The following FHIP1B variants were observed in gnomAD, a reference collection of about 807,000 sequenced individuals.
The protein encoded by FHIP1B is FHF complex subunit HOOK interacting protein 1B, also known as FHF complex subunit HOOK-interacting protein 1B.
FHIP1B carries 28 observed loss-of-function variants against 82.2 expected under a neutral mutation model. The observed-to-expected ratio is 0.34, with a 90% CI of 0.25 to 0.47. The LOEUF is 0.47. Ranked by LOEUF, FHIP1B falls within the 20% of genes least tolerant of loss-of-function variation. The probability of loss-of-function intolerance (pLI) is 1.00; values close to 1 mark genes in which losing one functional copy is unlikely to be tolerated. For missense variants in FHIP1B, 1,110 were observed against 1,262.6 expected, an observed-to-expected ratio of 0.88 and a Z score of 1.83; for synonymous variants, 585 against 516.1, an observed-to-expected ratio of 1.13 and a Z score of -1.81.
intron 1 of FHIP1B, among the ~76,000 whole-genome samples, chr11:6,232,565 T>C (rs1847725054): frequency 6.6e-6 from 1 of 152,386 alleles, no homozygotes. Context: ...TATCCCTGTA[T>C]GATCTCTGGC....
chr11:6,228,012 G>A (rs912309094), intron 1 of FHIP1B, among the ~76,000 whole-genome samples: 1 of 152,198 alleles, frequency 6.6e-6, no homozygotes, highest in African/African-American at 2.4e-5. Context: ...GAATCGAAAT[G>A]TAAGATGTAC....
At position 6,214,823 on chromosome 11, in the gene FHIP1B, G is replaced by C. The variant is rs1847179094; in HGVS notation, c.2304C>G (p.Ala768=). 4.3e-6 allele frequency: 7 copies of C among 1,612,000 alleles called. No homozygotes were observed. Among genetic ancestry groups the C allele is most frequent in the Non-Finnish European group, 5.9e-6 (7 of 1,179,104 alleles). ...YVNFLLTGLV[A]QLACHPQPLL... is the part of the protein sequence containing the mutation. ...GGGGCTGGGGGTGACAGGCCAGCTG[G>C]GCCACCAGCCCCGTCAGCAGGAAGT... is the stretch of plus-strand genomic sequence containing the variant. Residue 768 remains alanine, a synonymous_variant, in exon 10 of 12, where the codon GCC becomes GCG. Transcript: ENST00000449352.
At chr11:6,218,481 GA>G (rs1186900893) in intron 8 of FHIP1B, 118 bp downstream of exon 8, 17 of 1,467,858 alleles carry the variant, frequency 1.2e-5, no homozygotes, top group Non-Finnish European at 1.5e-5. Flanking sequence ...CCCAAAGACA[GA>G]CTATCATTCA....
intron 1 of FHIP1B, among the ~76,000 whole-genome samples, chr11:6,232,510 T>C (rs1029117943): frequency 2.5e-4 from 38 of 152,234 alleles, no homozygotes; most frequent in Non-Finnish European, 5.3e-4. Context: ...TTTCCCAAAG[T>C]CTCTCTCACT....
chr11:6,233,332 G>C (rs1847749813), intron 1 of FHIP1B, among the ~76,000 whole-genome samples: 1 of 152,230 alleles, frequency 6.6e-6, no homozygotes, highest in Non-Finnish European at 1.5e-5. Flanking sequence ...ACTAGCAGTA[G>C]AGAGGAAAAT....
At position 6,223,703 on chromosome 11, in the gene FHIP1B, C is replaced by T; in HGVS notation, c.684G>A (p.Gln228=). The T allele has an allele frequency of 6.2e-7, 1 of 1,614,182 alleles. No individual in the cohort carries two copies. Among genetic ancestry groups the T allele is most frequent in the Non-Finnish European group, 8.5e-7 (1 of 1,179,988 alleles). The change falls in exon 3 of 12, where the codon CAG becomes CAA. Residue 228 remains glutamine (Q), a synonymous_variant. Transcript: ENST00000449352. The surrounding 1 kb of genome is among the most constrained non-coding windows in gnomAD (Gnocchi z 4.8). The part of the protein sequence containing the change: ...PFVHREGTLG[Q]QARDALLLLM... ...GAAGAAGTAGGGCATCACGGGCCTG[C>T]TGGCCCAGGGTGCCCTCTCGATGCA... is the stretch of plus-strand genomic sequence containing the variant.
intron 1 of FHIP1B, among the ~76,000 whole-genome samples, chr11:6,230,210 T>C (rs1333253407): frequency 1.3e-5 from 2 of 152,122 alleles, no homozygotes; most frequent in African/African-American, 4.8e-5. Flanking sequence ...ACCTTTGCCC[T>C]GGGAGAGGCA....
chr11:6,225,969 G>C (rs1281918251), intron 1 of FHIP1B, among the ~76,000 whole-genome samples: 1 of 152,098 alleles, frequency 6.6e-6, no homozygotes, highest in African/African-American at 2.4e-5. Flanking sequence ...AAAGTACCAA[G>C]TAGCTATTGG....
rs761860531 is a variant in FHIP1B, at chr11:6,211,587, G to T, written c.2838C>A (p.Ala946=). The change falls in exon 12 of 12, where the codon GCC becomes GCA. Residue 946 remains alanine, a synonymous_variant. Coordinates refer to ENST00000449352, the MANE Select transcript of FHIP1B (RefSeq NM_001098794.2). The stretch of plus-strand genomic sequence containing the variant: ...TCTCCAACAAGAAAGGCGAGGTGAC[G>T]GCATGAGCCTGGGAGATGGCAGCCA... The part of the protein sequence containing the change: ...KELAAISQAH[A]VTSPFLLETS... The T allele has an allele frequency of 1.9e-6, 3 of 1,614,094 alleles. No homozygotes were observed. Among genetic ancestry groups the T allele is most frequent in the African/African-American group, 2.7e-5 (2 of 74,944 alleles).
At chr11:6,217,129 C>T (rs1269356825) in intron 9 of FHIP1B, 3 of 703,458 alleles carry the variant, frequency 4.3e-6, no homozygotes, top group Non-Finnish European at 7.8e-6. Flanking sequence ...GCACATAGGA[C>T]ATACATACAA....
intron 9 of FHIP1B, chr11:6,216,809 G>A (rs1164396402): frequency 1.1e-5 from 6 of 538,772 alleles, no homozygotes; most frequent in Non-Finnish European, 2.0e-5. Flanking sequence ...AAGGTACAAG[G>A]AAAGCGAACA....
At position 6,217,734 on chromosome 11, in the gene FHIP1B, C is replaced by T. The variant is rs747205123; in HGVS notation, c.1852G>A (p.Gly618Arg). The T allele has an allele frequency of 3.1e-6, 5 of 1,605,322 alleles. No individual in the cohort carries two copies. The highest frequency in any genetic ancestry group is 2.2e-5 in the South Asian group (2 of 90,214). Residue 618 changes from glycine (G) to arginine (R), a missense_variant, in exon 9 of 12, where the codon GGG becomes AGG. By Grantham distance (125) the Gly-to-Arg change is moderately radical. Transcript: ENST00000449352. Reference protein sequence around the residue: ...EGEEEELGRRGRAGGAGEGPG... With the variant: ...EGEEEELGRRRRAGGAGEGPG... ...CCCTCCCCTGCACCCCCAGCCCGCC[C>T]CCTCCTCCCCAGCTCTTCCTCCTCC...
At chr11:6,220,372 C>A (rs543475137) in intron 6 of FHIP1B, among the ~76,000 whole-genome samples, 152 of 152,246 alleles carry the variant, frequency 1.0e-3, no homozygotes, top group African/African-American at 3.6e-3. Context: ...CCCCACCCCC[C>A]AAAATTTTGA....
Position 6,217,484 on chromosome 11 carries a change from G to A in FHIP1B, c.2102C>T (p.Pro701Leu), listed in dbSNP as rs141597566. 3 of 1,613,588 alleles carry A rather than the reference G, an allele frequency of 1.9e-6. No homozygotes were observed. The highest frequency in any genetic ancestry group is 2.7e-5 in the African/African-American group (2 of 74,992). The change falls in exon 9 of 12, where the codon CCC becomes CTC. Residue 701 changes from proline (P) to leucine (L), a missense_variant. This residue lies in a region of FHIP1B where 418 missense variants were observed against 371.4 expected (regional missense o/e 1.13). Transcript: ENST00000449352. ...CTCGTAGGCCTCCTCCTCCTCAAGG[G>A]GCAGTGGAGGTTCTAAGGGGGACTC... is the stretch of plus-strand genomic sequence containing the variant. Reference protein sequence around the residue: ...GSESPLEPPLPLEEEEAYESF... With the variant: ...GSESPLEPPLLLEEEEAYESF...
In FHIP1B at chr11:6,214,808, G is replaced by C; in HGVS notation, c.2319C>G (p.His773Gln). The change falls in exon 10 of 12, where the codon CAC becomes CAG. Residue 773 changes from histidine to glutamine, a missense_variant. His to Gln is a conservative substitution (Grantham distance 24). Around this residue, in one of 6 missense-constraint regions of FHIP1B, gnomAD observed 39 missense variants for 79.6 expected, o/e 0.49. Coordinates refer to ENST00000449352, the MANE Select transcript of FHIP1B (RefSeq NM_001098794.2). ...GGAAAGAGCGGAGCAGGGGCTGGGG[G>C]TGACAGGCCAGCTGGGCCACCAGCC... Reference protein sequence around the residue: ...LTGLVAQLACHPQPLLRSFLL... With the variant: ...LTGLVAQLACQPQPLLRSFLL... 1 of 1,611,898 alleles carries C rather than the reference G, an allele frequency of 6.2e-7. No homozygotes were observed. The highest frequency in any genetic ancestry group is 8.5e-7 in the Non-Finnish European group (1 of 1,179,036).
chr11:6,224,684 A>C lies in FHIP1B; in HGVS notation c.-168T>G, dbSNP rs1198663083. 3 of 631,766 alleles carry C rather than the reference A, an allele frequency of 4.7e-6. No homozygotes were observed. Among genetic ancestry groups the C allele is most frequent in the Non-Finnish European group, 8.1e-6 (3 of 369,644 alleles). 39.1% of individuals were successfully genotyped at this position (631,766 alleles called of 1,614,324 possible). A position where few individuals can be genotyped will look rare whatever the true frequency, so the allele number is the denominator to read the frequency against. On this transcript the variant is annotated 5_prime_UTR_variant, in exon 2 of 12. Transcript: ENST00000449352. ...GGCTGGAATGGCAAGCCCAGAGGTC[A>C]CTGGCCAGTCCAGATTTCTAAATCT...
intron 1 of FHIP1B, among the ~76,000 whole-genome samples, chr11:6,227,013 C>T (rs1208503195): frequency 6.6e-6 from 1 of 152,148 alleles, no homozygotes; most frequent in African/African-American, 2.4e-5. Flanking sequence ...TAATATGTTC[C>T]ATGCAATACT....
rs775090698 is a variant in FHIP1B at position 6,217,831 on chromosome 11, G to A, written c.1755C>T (p.Pro585=). Residue 585 remains proline, a synonymous_variant, in exon 9 of 12, where the codon CCC becomes CCT. Transcript: ENST00000449352. The part of the protein sequence containing the change: ...PYDGERPSPE[P]SPFGSRTKKR... ...TCTTAGTCCGGGAGCCAAAAGGACT[G>A]GGCTCAGGAGAGGGCCGCTCGCCAT... 4 of 1,613,752 alleles carry A rather than the reference G, an allele frequency of 2.5e-6. No homozygotes were observed. Among genetic ancestry groups the A allele is most frequent in the South Asian group, 1.1e-5 (1 of 91,054 alleles).
At chr11:6,213,213 T>G (rs1260238476) in intron 11 of FHIP1B, among the ~76,000 whole-genome samples, 1 of 152,240 alleles carries the variant, frequency 6.6e-6, no homozygotes, top group East Asian at 1.9e-4. Context: ...GTGCAGTAAC[T>G]TTTATGGTAC....
Sources: allele counts gnomAD v4.1 joint callset (sites outside exome capture counted in the v4.1 genomes callset), GRCh38; gene constraint gnomAD v4.1.1; regional missense constraint gnomAD v4.1.1; non-coding constraint Gnocchi (gnomAD v3.1); transcripts MANE v1.5; gene names NCBI Gene and HGNC (gene_info 2026-07-23, HGNC 2026-07-21).